Variants in PRIMPOL observed in about 807,000 individuals in gnomAD.
PRIMPOL encodes the protein DNA-directed primase/polymerase protein.
Under a neutral mutation model 63.6 loss-of-function variants are expected in PRIMPOL, and 54 were observed. That is an observed-to-expected ratio of 0.85 (90% CI 0.68 to 1.07). PRIMPOL has a LOEUF of 1.07. Among genes scored for constraint, PRIMPOL ranks in the 50% least tolerant of loss-of-function variants. PRIMPOL has a pLI of 0.00. For missense variants in PRIMPOL, 610 were observed against 648.3 expected (o/e 0.94, Z 0.64); for synonymous variants, 197 against 220.2 (o/e 0.89, Z 0.93).
intron 6 of PRIMPOL, among the ~76,000 whole-genome samples, chr4:184,667,706 C>T (rs1750473713): frequency 6.6e-6 from 1 of 152,176 alleles, no homozygotes. Flanking sequence ...TCCTAGCACG[C>T]AAGTCCCTCC....
At chr4:184,682,529 G>A in intron 9 of PRIMPOL, among the ~76,000 whole-genome samples, 193 bp downstream of exon 9, 1 of 152,042 alleles carries the variant, frequency 6.6e-6, no homozygotes, top group South Asian at 2.1e-4. Context: ...TGCATTTTTA[G>A]TAGAGATGAG....
intron 2 of PRIMPOL, 81 bp from the exon 3 acceptor site, chr4:184,657,001 A>C (rs575510064): frequency 3.4e-6 from 2 of 587,312 alleles, no homozygotes; most frequent in South Asian, 3.5e-5. Context: ...AAGTGTCAGG[A>C]AGTGAGTTTT....
chr4:184,679,828 A>G (rs1755126013), intron 8 of PRIMPOL, among the ~76,000 whole-genome samples: 1 of 152,174 alleles, frequency 6.6e-6, no homozygotes, highest in Admixed American at 6.5e-5. Flanking sequence ...TCCTTATGAG[A>G]ATCTAATGCC....
chr4:184,669,793 C>T (rs916000677), intron 6 of PRIMPOL, among the ~76,000 whole-genome samples: 2 of 152,172 alleles, frequency 1.3e-5, no homozygotes, highest in African/African-American at 4.8e-5. Context: ...GCGATCAGGC[C>T]TTCTCCTGGG....
At chr4:184,653,361 T>C (rs1398734141) in intron 2 of PRIMPOL, among the ~76,000 whole-genome samples, 2 of 152,242 alleles carry the variant, frequency 1.3e-5, no homozygotes, top group Non-Finnish European at 2.9e-5. Flanking sequence ...TCTCCCACTA[T>C]AGTTACTCGA....
chr4:184,666,185 C>T (rs898285432), intron 6 of PRIMPOL, 121 bp downstream of exon 6: 67 of 734,450 alleles, frequency 9.1e-5, no homozygotes, highest in East Asian at 1.8e-4. Context: ...CTAAAAAATG[C>T]GATGTAGGCT....
intron 5 of PRIMPOL, among the ~76,000 whole-genome samples, chr4:184,662,417 G>A (rs1424660986): frequency 2.6e-5 from 4 of 152,106 alleles, no homozygotes; most frequent in African/African-American, 9.7e-5. Context: ...GCTAGTAATG[G>A]TAAAATCTTG....
chr4:184,683,926 TAAAAGAA>T (rs1030652944), intron 9 of PRIMPOL, among the ~76,000 whole-genome samples: 12 of 150,830 alleles, frequency 8.0e-5, no homozygotes, highest in African/African-American at 2.7e-4. Context: ...TTTGTGATGT[TAAAAGAA>T]AAACTAGTCT....
At chr4:184,691,390 T>C in intron 11 of PRIMPOL, 109 bp from the exon 12 acceptor site, 1 of 675,260 alleles carries the variant, frequency 1.5e-6, no homozygotes. Flanking sequence ...CTTTTTAATT[T>C]TTCTCCATCT....
chr4:184,691,615 A>G (rs1304635203), intron 12 of PRIMPOL, 34 bp downstream of exon 12: 1 of 1,601,776 alleles, frequency 6.2e-7, no homozygotes, highest in Non-Finnish European at 8.5e-7. Flanking sequence ...ACCACAAAGT[A>G]AAAATTAGAT....
At chr4:184,652,729 A>G (rs1277911573) in intron 2 of PRIMPOL, among the ~76,000 whole-genome samples, 1 of 152,188 alleles carries the variant, frequency 6.6e-6, no homozygotes. Flanking sequence ...AAATACCAGG[A>G]TATTACCAAA....
intron 5 of PRIMPOL, among the ~76,000 whole-genome samples, chr4:184,665,379 T>TG (rs1214845755): frequency 5.3e-5 from 8 of 152,118 alleles, no homozygotes; most frequent in African/African-American, 1.9e-4. Flanking sequence ...CTTTCTATTG[T>TG]GCATGGCCTT....
At chr4:184,654,453 GTTT>G (rs1553985960) in intron 2 of PRIMPOL, among the ~76,000 whole-genome samples, 1 of 33,554 alleles carries the variant, frequency 3.0e-5, no homozygotes, top group Non-Finnish European at 5.7e-5. Context: ...AGTTAAAGCA[GTTT>G]TTTTTTTTTT....
At chr4:184,677,202 T>C (rs1754324591) in intron 7 of PRIMPOL, among the ~76,000 whole-genome samples, 1 of 151,780 alleles carries the variant, frequency 6.6e-6, no homozygotes, top group Non-Finnish European at 1.5e-5. Flanking sequence ...CCTCAAGCGA[T>C]CCTCCTGTTG....
intron 13 of PRIMPOL, 77 bp from the exon 14 acceptor site, chr4:184,694,445 G>C (rs186900268): frequency 5.3e-6 from 8 of 1,510,558 alleles, no homozygotes; most frequent in Admixed American, 4.2e-5. Context: ...CTTCAACATA[G>C]AGTATAAGGT....
chr4:184,680,207 T>TA (rs1755236228), intron 8 of PRIMPOL, among the ~76,000 whole-genome samples: 1 of 151,422 alleles, frequency 6.6e-6, no homozygotes, highest in Non-Finnish European at 1.5e-5. Context: ...ATTTTTTTTT[T>TA]GAGACAGTCT....
intron 13 of PRIMPOL, among the ~76,000 whole-genome samples, chr4:184,692,131 T>C (rs550699580): frequency 8.5e-5 from 13 of 152,254 alleles, no homozygotes; most frequent in African/African-American, 3.1e-4. Context: ...CTCTTAAAGA[T>C]TTTTTATTTA....
chr4:184,694,179 A>G, intron 13 of PRIMPOL: 1 of 1,027,188 alleles, frequency 9.7e-7, no homozygotes. Flanking sequence ...CATTGTCAAG[A>G]TAGCAAATTT....
At chr4:184,677,049 C>T (rs1428412178) in intron 7 of PRIMPOL, among the ~76,000 whole-genome samples, 5 of 113,346 alleles carry the variant, frequency 4.4e-5, no homozygotes, top group African/African-American at 1.8e-4. Flanking sequence ...CCCTTCTCCC[C>T]TCCCCTTCCC....
Sources: allele counts gnomAD v4.1 joint callset (sites outside exome capture counted in the v4.1 genomes callset), GRCh38; gene constraint gnomAD v4.1.1; transcripts MANE v1.5; gene names NCBI Gene and HGNC (gene_info 2026-07-23, HGNC 2026-07-21).